The following PLCL1 variants were observed in gnomAD, a reference collection of about 807,000 sequenced individuals.
PLCL1 encodes phospholipase C like 1 (inactive).
PLCL1 carries 41 observed loss-of-function variants against 84.4 expected under a neutral mutation model. That is an observed-to-expected ratio of 0.49 (90% CI 0.38 to 0.63). The LOEUF (loss-of-function observed/expected upper bound fraction) is 0.63, where lower values mean the gene tolerates loss of function less well. Ranked by LOEUF, PLCL1 falls within the 30% of genes least tolerant of loss-of-function variation. The probability of loss-of-function intolerance (pLI) is 0.00; values close to 1 mark genes in which losing one functional copy is unlikely to be tolerated. For missense variants in PLCL1, 1,206 were observed against 1,367.8 expected (o/e 0.88, Z 1.87); for synonymous variants, 490 against 488.3 (o/e 1.00, Z -0.05).
intron 1 of PLCL1, among the ~76,000 whole-genome samples, chr2:197,971,221 G>A (rs1689856916): frequency 6.6e-6 from 1 of 152,170 alleles, no homozygotes; most frequent in South Asian, 2.1e-4. Context: ...CAAACCAAAA[G>A]GAAACAGAAA....
Position 198,065,309 on chromosome 2 carries a change from C to A in PLCL1, c.241-18449C>A, listed in dbSNP as rs544576503. 6.6e-5 allele frequency among the ~76,000 whole-genome samples: 10 copies of A among 152,276 alleles called. No individual in the cohort carries two copies. The East Asian group carries it at 1.2e-3, about 18-fold the overall frequency. ...AATCCAGGATGAGTAAGGCTTTCAACTTTCCAGACCAAATAAATAAGTCAG... is the reference window on the plus strand; with the variant it reads ...AATCCAGGATGAGTAAGGCTTTCAAATTTCCAGACCAAATAAATAAGTCAG... On this transcript the variant is annotated intron_variant, in intron 1 of 5. Coordinates refer to ENST00000428675, the MANE Select transcript of PLCL1 (RefSeq NM_006226.4).
At chr2:198,055,889 G>A (rs760337076) in intron 1 of PLCL1, among the ~76,000 whole-genome samples, 7 of 152,146 alleles carry the variant, frequency 4.6e-5, no homozygotes, top group Non-Finnish European at 7.4e-5. Context: ...AATGGAACCT[G>A]ACATGCTGGC....
At chr2:198,121,630 G>T (rs1395797072) in intron 5 of PLCL1, among the ~76,000 whole-genome samples, 4 of 150,064 alleles carry the variant, frequency 2.7e-5, no homozygotes, top group Non-Finnish European at 4.5e-5. Flanking sequence ...GTGTAGATTT[G>T]TTTCTGGGTT....
At chr2:198,011,472 A>G (rs550735929) in intron 1 of PLCL1, among the ~76,000 whole-genome samples, 72 of 152,094 alleles carry the variant, frequency 4.7e-4, no homozygotes, top group Middle Eastern at 3.4e-3. Flanking sequence ...TGATTGGAGA[A>G]GGTATTTTAT....
chr2:197,867,561 T>G (rs1020899657), intron 1 of PLCL1, among the ~76,000 whole-genome samples: 2 of 152,180 alleles, frequency 1.3e-5, no homozygotes, highest in African/African-American at 4.8e-5. Flanking sequence ...ATCTTTTGTT[T>G]CTAGTCCCAT....
In PLCL1 at chr2:197,804,897, G is replaced by A; in HGVS notation, c.-203G>A. ...CGGACTGCTAGCCTCCTAGACCGAA[G>A]CCCGAGGACGTCTCTGCCCGAGCGA... On this transcript the variant is annotated 5_prime_UTR_variant, in exon 1 of 6. Transcript: ENST00000428675. 1 of 519,808 alleles carries A rather than the reference G, an allele frequency of 1.9e-6. No individual in the cohort carries two copies. The highest frequency in any genetic ancestry group is 3.2e-6 in the Non-Finnish European group (1 of 307,818). 32.2% of individuals were successfully genotyped at this position (519,808 alleles called of 1,614,324 possible). A position where few individuals can be genotyped will look rare whatever the true frequency, so the allele number is the denominator to read the frequency against.
chr2:198,000,643 G>A (rs1445279119), intron 1 of PLCL1, among the ~76,000 whole-genome samples: 1 of 152,056 alleles, frequency 6.6e-6, no homozygotes, highest in Admixed American at 6.6e-5. Context: ...AGTTTCACTT[G>A]ATGAATGAGC....
chr2:198,023,295 C>G (rs905564392), intron 1 of PLCL1, among the ~76,000 whole-genome samples: 2 of 152,022 alleles, frequency 1.3e-5, no homozygotes, highest in Non-Finnish European at 2.9e-5. Flanking sequence ...CCATAAAAAC[C>G]CTAGAAGAAA....
At chr2:197,841,784 T>C (rs1687008139) in intron 1 of PLCL1, among the ~76,000 whole-genome samples, 1 of 152,172 alleles carries the variant, frequency 6.6e-6, no homozygotes, top group African/African-American at 2.4e-5. Flanking sequence ...TTGTAAGAAA[T>C]GTCAAGGTAA....
intron 1 of PLCL1, among the ~76,000 whole-genome samples, chr2:198,011,073 C>A: frequency 6.6e-6 from 1 of 151,576 alleles, no homozygotes; most frequent in African/African-American, 2.4e-5. Flanking sequence ...GAAAACCATC[C>A]CTTGGAGTCA....
chr2:197,981,706 T>C (rs950790217), intron 1 of PLCL1, among the ~76,000 whole-genome samples: 2 of 152,230 alleles, frequency 1.3e-5, no homozygotes, highest in Non-Finnish European at 2.9e-5. Context: ...GGAGCCTTCA[T>C]TTTCCAGAAC....
intron 3 of PLCL1, among the ~76,000 whole-genome samples, chr2:198,091,223 AG>A (rs1457185967): frequency 6.6e-6 from 1 of 152,164 alleles, no homozygotes; most frequent in Non-Finnish European, 1.5e-5. Context: ...TGGGGTGGGT[AG>A]GGACAGATAC....
At chr2:197,928,097 C>A (rs1161885446) in intron 1 of PLCL1, among the ~76,000 whole-genome samples, 1 of 152,084 alleles carries the variant, frequency 6.6e-6, no homozygotes, top group Non-Finnish European at 1.5e-5. Flanking sequence ...TATATTTCAA[C>A]CAAAGGTATA....
chr2:197,833,032 G>T (rs1691103981), intron 1 of PLCL1, among the ~76,000 whole-genome samples: 2 of 152,240 alleles, frequency 1.3e-5, no homozygotes, highest in South Asian at 2.1e-4. Context: ...GTGAAACCTT[G>T]TCCTTAATAA....
At chr2:197,910,818 C>T (rs746080536) in intron 1 of PLCL1, among the ~76,000 whole-genome samples, 15 of 152,100 alleles carry the variant, frequency 9.9e-5, no homozygotes, top group Non-Finnish European at 1.3e-4. Flanking sequence ...TTCAATGTAA[C>T]GCATATTACA....
chr2:197,831,039 A>C (rs532230788), intron 1 of PLCL1, among the ~76,000 whole-genome samples: 52 of 152,304 alleles, frequency 3.4e-4, no homozygotes, highest in African/African-American at 1.2e-3. Flanking sequence ...GAAAGGAAAA[A>C]CCAGTACCAG....
At chr2:197,963,607 G>A (rs537384022) in intron 1 of PLCL1, among the ~76,000 whole-genome samples, 20 of 151,998 alleles carry the variant, frequency 1.3e-4, no homozygotes, top group South Asian at 1.2e-3. Context: ...CCATCTGCCC[G>A]TTTTTGCTTT....
intron 1 of PLCL1, among the ~76,000 whole-genome samples, chr2:197,908,141 T>C (rs994450735): frequency 5.3e-5 from 8 of 152,172 alleles, no homozygotes; most frequent in Non-Finnish European, 8.8e-5. Flanking sequence ...TTTACTGAGA[T>C]AGCAAAAATA....
At chr2:197,855,093 T>G (rs775329410) in intron 1 of PLCL1, among the ~76,000 whole-genome samples, 1 of 152,168 alleles carries the variant, frequency 6.6e-6, no homozygotes, top group Admixed American at 6.6e-5. Context: ...AATATTCAAG[T>G]CAGTATACGG....
Sources: allele counts gnomAD v4.1 joint callset (sites outside exome capture counted in the v4.1 genomes callset), GRCh38; gene constraint gnomAD v4.1.1; transcripts MANE v1.5; gene names NCBI Gene and HGNC (gene_info 2026-07-23, HGNC 2026-07-21).